CTNNA3: variants seen among roughly 807,000 people sequenced by gnomAD.
The protein encoded by CTNNA3 is catenin alpha-3.
In CTNNA3, 76 loss-of-function variants were observed where a neutral mutation model predicts 95.7. The observed-to-expected ratio is 0.79, with a 90% CI of 0.66 to 0.96. The LOEUF (loss-of-function observed/expected upper bound fraction) is 0.96, where lower values mean the gene tolerates loss of function less well. Among genes scored for constraint, CTNNA3 ranks in the 40% least tolerant of loss-of-function variants. The pLI is 0.00. For missense variants in CTNNA3, 1,191 were observed against 1,089.8 expected, an observed-to-expected ratio of 1.09 and a Z score of -1.31; for synonymous variants, 431 against 374.4, an observed-to-expected ratio of 1.15 and a Z score of -1.74.
intron 5 of CTNNA3, among the ~76,000 whole-genome samples, chr10:67,446,157 C>A (rs904266680): frequency 2.0e-5 from 3 of 152,154 alleles, no homozygotes; most frequent in Non-Finnish European, 4.4e-5. Flanking sequence ...TGAACCGAAT[C>A]AGTCATTTGT....
intron 11 of CTNNA3, among the ~76,000 whole-genome samples, chr10:66,518,585 C>T (rs1249843313): frequency 6.6e-6 from 1 of 152,046 alleles, no homozygotes; most frequent in Admixed American, 6.6e-5. Flanking sequence ...ATTAAAATTA[C>T]TGTTTAAATG....
At chr10:67,441,546 G>A (rs1846516347) in intron 5 of CTNNA3, among the ~76,000 whole-genome samples, 2 of 151,954 alleles carry the variant, frequency 1.3e-5, no homozygotes, top group Non-Finnish European at 1.5e-5. Context: ...ATAAAGAAAG[G>A]ATCCTAAAAG....
intron 5 of CTNNA3, among the ~76,000 whole-genome samples, chr10:67,481,261 C>G (rs896103506): frequency 3.3e-5 from 5 of 152,100 alleles, no homozygotes; most frequent in African/African-American, 1.2e-4. Context: ...CAGCATAGTA[C>G]TGGAAGTTCT....
intron 9 of CTNNA3, among the ~76,000 whole-genome samples, chr10:66,718,739 C>T (rs907653414): frequency 6.6e-6 from 1 of 151,660 alleles, no homozygotes; most frequent in African/African-American, 2.4e-5. Context: ...CACCGATGTA[C>T]CCCAAAGGCC....
In CTNNA3 at chr10:66,189,600, T is replaced by TTATATATATATATATATATATATATATA. The variant is rs539638553; in HGVS notation, c.1885-86352_1885-86351insTATATATATATATATATATATATATATA. 9.7e-3 allele frequency among the ~76,000 whole-genome samples: 858 copies of TTATATATATATATATATATATATATATA among 88,286 alleles called. 14 individuals are homozygous for TTATATATATATATATATATATATATATA. Among genetic ancestry groups the TTATATATATATATATATATATATATATA allele is most frequent in the African/African-American group, 0.014 (287 of 21,164 alleles). The allele number at this position is 88,286 out of a possible 152,430, so 57.9% of individuals were successfully genotyped here. A position where few individuals can be genotyped will look rare whatever the true frequency, so the allele number is the denominator to read the frequency against. On this transcript the variant is annotated intron_variant, in intron 13 of 17. Transcript: ENST00000433211. ...CCATACTGTTTTAGTTACTATAGAT[T>TTATATATATATATATATATATATATATA]TATATATATATATATATACACACAT...
chr10:65,931,254 G>GCT (rs747622959), intron 17 of CTNNA3, among the ~76,000 whole-genome samples: 2 of 152,172 alleles, frequency 1.3e-5, no homozygotes, highest in Non-Finnish European at 2.9e-5. Context: ...AGTTTTCAGG[G>GCT]CTCTTGTGTG....
chr10:67,346,096 GAAAC>G, intron 5 of CTNNA3, among the ~76,000 whole-genome samples: 1 of 152,144 alleles, frequency 6.6e-6, no homozygotes, highest in Middle Eastern at 3.4e-3. Context: ...TAGAAAGAAA[GAAAC>G]AAACAAAAAG....
chr10:66,155,141 C>T (rs1252182703), intron 13 of CTNNA3, among the ~76,000 whole-genome samples: 1 of 151,826 alleles, frequency 6.6e-6, no homozygotes, highest in Non-Finnish European at 1.5e-5. Flanking sequence ...CATTGAACTT[C>T]TCCAGCATTC....
intron 15 of CTNNA3, among the ~76,000 whole-genome samples, chr10:65,992,745 G>C (rs1385373628): frequency 6.6e-6 from 1 of 151,704 alleles, no homozygotes. Context: ...ATTTAGTTCT[G>C]TTCTTATCTT....
At chr10:66,354,465 A>C (rs1254324738) in intron 12 of CTNNA3, among the ~76,000 whole-genome samples, 1 of 152,092 alleles carries the variant, frequency 6.6e-6, no homozygotes, top group Non-Finnish European at 1.5e-5. Context: ...AAATGTGTCC[A>C]AAAACAGTTG....
intron 10 of CTNNA3, among the ~76,000 whole-genome samples, chr10:66,563,172 A>G (rs1238686776): frequency 6.6e-6 from 1 of 152,130 alleles, no homozygotes; most frequent in Non-Finnish European, 1.5e-5. Context: ...GCAGTATAGA[A>G]TAACCACTGC....
At chr10:66,681,652 T>C (rs1847071398) in intron 9 of CTNNA3, among the ~76,000 whole-genome samples, 1 of 152,170 alleles carries the variant, frequency 6.6e-6, no homozygotes, top group Non-Finnish European at 1.5e-5. Flanking sequence ...TTAATAAGGA[T>C]ATGATGTACT....
At chr10:66,054,133 G>A (rs931313911) in intron 15 of CTNNA3, among the ~76,000 whole-genome samples, 2 of 152,044 alleles carry the variant, frequency 1.3e-5, no homozygotes, top group African/African-American at 2.4e-5. Context: ...ATCCTTTGAT[G>A]GATACATAAT....
chr10:66,715,714 GA>G (rs1345151817), intron 9 of CTNNA3, among the ~76,000 whole-genome samples: 1 of 152,012 alleles, frequency 6.6e-6, no homozygotes. Context: ...GTAATAAAAT[GA>G]AACCAGCTTA....
At chr10:67,354,161 T>C (rs996586535) in intron 5 of CTNNA3, among the ~76,000 whole-genome samples, 6 of 152,036 alleles carry the variant, frequency 3.9e-5, no homozygotes, top group African/African-American at 9.7e-5. Context: ...AGCTAGTTAA[T>C]GCACAGTATA....
chr10:67,743,553 T>C (rs983577712), intron 1 of CTNNA3, among the ~76,000 whole-genome samples: 5 of 151,384 alleles, frequency 3.3e-5, no homozygotes, highest in African/African-American at 1.2e-4. Context: ...TCATAATGAA[T>C]GGGCAAAAAC....
At chr10:66,617,517 A>G (rs1273040093) in intron 10 of CTNNA3, among the ~76,000 whole-genome samples, 2 of 152,204 alleles carry the variant, frequency 1.3e-5, no homozygotes, top group Non-Finnish European at 2.9e-5. Context: ...ACAACTCTTC[A>G]TGCTAAAAAC....
intron 13 of CTNNA3, among the ~76,000 whole-genome samples, chr10:66,165,561 A>G (rs1422329878): frequency 6.6e-6 from 1 of 152,096 alleles, no homozygotes; most frequent in Admixed American, 6.6e-5. Flanking sequence ...TAAAAACCCA[A>G]TGAGTCCTAA....
chr10:67,436,119 A>C (rs1252078569), intron 5 of CTNNA3, among the ~76,000 whole-genome samples: 3 of 152,170 alleles, frequency 2.0e-5, no homozygotes, highest in African/African-American at 7.2e-5. Flanking sequence ...CTGGTATAAA[A>C]ATAGACACAT....
Sources: gnomAD v4.1 joint callset for allele counts (sites outside exome capture counted in the v4.1 genomes callset) on GRCh38, gnomAD v4.1.1 for gene constraint, MANE v1.5 for transcripts, NCBI Gene and HGNC (gene_info 2026-07-23, HGNC 2026-07-21) for gene names.